SOX5: variants seen among roughly 807,000 people sequenced by gnomAD.
SOX5 encodes transcription factor SOX-5.
Under a neutral mutation model 92.0 loss-of-function variants are expected in SOX5, and 9 were observed. That is an observed-to-expected ratio of 0.10 (90% CI 0.06 to 0.17). SOX5 has a LOEUF of 0.17. Ranked by LOEUF, SOX5 falls within the 10% of genes least tolerant of loss-of-function variation. SOX5 has a pLI of 1.00. For missense variants in SOX5, 642 were observed against 944.5 expected, an observed-to-expected ratio of 0.68 and a Z score of 4.20; for synonymous variants, 344 against 336.3, an observed-to-expected ratio of 1.02 and a Z score of -0.25.
chr12:24,248,824 T>C (rs948397289), intron 3 of SOX5, among the ~76,000 whole-genome samples: 3 of 152,196 alleles, frequency 2.0e-5, no homozygotes, highest in African/African-American at 4.8e-5. Context: ...GTTACTTGTT[T>C]ATGTTTTTAA....
At chr12:24,432,056 C>A (rs963408239) in intron 1 of SOX5, among the ~76,000 whole-genome samples, 1 of 152,094 alleles carries the variant, frequency 6.6e-6, no homozygotes. Context: ...CAGTGTCACC[C>A]CACCTCAGGA....
At chr12:24,207,996 C>A (rs563619646) in intron 4 of SOX5, among the ~76,000 whole-genome samples, 3 of 152,142 alleles carry the variant, frequency 2.0e-5, no homozygotes, top group South Asian at 2.1e-4. Flanking sequence ...TAAAAACAAA[C>A]TGCTTTTTGT....
At chr12:24,229,670 T>G (rs2139917490) in intron 3 of SOX5, among the ~76,000 whole-genome samples, 1 of 152,270 alleles carries the variant, frequency 6.6e-6, no homozygotes, top group Admixed American at 6.5e-5. Context: ...AAGAACAAAG[T>G]ATATAATTCA....
In SOX5 at chr12:23,795,225, C is replaced by A. The variant is rs536832998; in HGVS notation, c.482-39501G>T. Among the ~76,000 whole-genome samples, 13 of 151,074 alleles carry A rather than the reference C, an allele frequency of 8.6e-5. No homozygotes were observed. In the South Asian group the frequency reaches 2.5e-3, roughly 29 times the overall value. On this transcript the variant is annotated intron_variant, in intron 3 of 14. Coordinates refer to ENST00000451604, the MANE Select transcript of SOX5 (RefSeq NM_006940.6). The stretch of plus-strand genomic sequence containing the variant: ...GGTGGCACTGAAAATAAGAGTAGTG[C>A]ATTTTTAAAAACGGTAGATTCAAAA...
At chr12:23,569,369 C>A (rs1182113812) in intron 10 of SOX5, among the ~76,000 whole-genome samples, 2 of 152,046 alleles carry the variant, frequency 1.3e-5, no homozygotes, top group Non-Finnish European at 2.9e-5. Flanking sequence ...GTAAGAAATA[C>A]AAAATTAAAG....
chr12:24,178,392 G>A (rs1955076908), intron 4 of SOX5, among the ~76,000 whole-genome samples: 1 of 152,090 alleles, frequency 6.6e-6, no homozygotes, highest in Non-Finnish European at 1.5e-5. Context: ...GAGGCCTAGA[G>A]AAGTCATTCA....
chr12:24,129,209 A>T (rs1470155850), intron 4 of SOX5, among the ~76,000 whole-genome samples: 1 of 152,186 alleles, frequency 6.6e-6, no homozygotes, highest in Non-Finnish European at 1.5e-5. Flanking sequence ...AATGTTAAAC[A>T]CCTTTTCATT....
intron 2 of SOX5, among the ~76,000 whole-genome samples, chr12:24,282,464 C>T (rs1360485329): frequency 6.7e-6 from 1 of 149,650 alleles, no homozygotes; most frequent in African/African-American, 2.4e-5. Flanking sequence ...AATAAAAACC[C>T]TAATCTCAAA....
chr12:24,286,421 C>T (rs1383634874), intron 2 of SOX5, among the ~76,000 whole-genome samples: 1 of 152,164 alleles, frequency 6.6e-6, no homozygotes, highest in East Asian at 1.9e-4. Flanking sequence ...AGATCAAATT[C>T]AAGAGCTTGG....
At chr12:24,118,364 A>G (rs1593321884) in intron 4 of SOX5, among the ~76,000 whole-genome samples, 2 of 151,722 alleles carry the variant, frequency 1.3e-5, no homozygotes, top group South Asian at 2.1e-4. Flanking sequence ...ATTGTACCCC[A>G]TAAGTATACA....
rs532389081 is a variant in SOX5 at position 24,001,397 on chromosome 12, T to C, written c.-1-105373A>G. ...ATGAGCCACCAAAACCAGCCTAAAT[T>C]AGATTAAATCTAAATGGATTTAAAT... On this transcript the variant is annotated intron_variant, in intron 4 of 4. Coordinates refer to the SOX5 transcript ENST00000446891. 1.6e-4 allele frequency among the ~76,000 whole-genome samples: 25 copies of C among 152,178 alleles called. 1 individual carries two copies. The highest frequency in any genetic ancestry group is 7.2e-4 in the Admixed American group (11 of 15,288).
intron 2 of SOX5, among the ~76,000 whole-genome samples, chr12:24,280,126 G>A (rs1478767329): frequency 2.0e-5 from 3 of 152,044 alleles, no homozygotes; most frequent in South Asian, 2.1e-4. Context: ...ATGTACCCTA[G>A]TGTCTGAATC....
intron 1 of SOX5, among the ~76,000 whole-genome samples, chr12:24,503,492 T>A (rs1363376565): frequency 1.3e-5 from 2 of 152,208 alleles, no homozygotes; most frequent in East Asian, 3.8e-4. Context: ...TGAACAATTA[T>A]CAAGACTGAG....
At position 24,195,421 on chromosome 12, in the gene SOX5, A is replaced by ATT. The variant is rs1306130741; in HGVS notation, c.-2+17920_-2+17921dup. 2.6e-5 allele frequency among the ~76,000 whole-genome samples: 4 copies of ATT among 152,348 alleles called. No individual in the cohort carries two copies. In the East Asian group the frequency reaches 7.7e-4, roughly 29 times the overall value. On this transcript the variant is annotated intron_variant, in intron 4 of 4. Coordinates refer to the SOX5 transcript ENST00000446891. ...GAGAACCGAGGCAATTATTAAGCTA[A>ATT]TTTAGGCCCAAAGAATACTTTCACA...
intron 4 of SOX5, among the ~76,000 whole-genome samples, chr12:24,151,396 C>A (rs770679460): frequency 1.3e-5 from 2 of 152,012 alleles, no homozygotes; most frequent in South Asian, 2.1e-4. Flanking sequence ...TATTGATATG[C>A]CAACCTAATG....
intron 8 of SOX5, among the ~76,000 whole-genome samples, chr12:23,627,486 G>A (rs1414367611): frequency 1.3e-5 from 2 of 152,042 alleles, no homozygotes; most frequent in Non-Finnish European, 2.9e-5. Context: ...CTTGAAATAT[G>A]GATAGGCTCT....
chr12:24,538,580 G>A (rs1288756558), intron 1 of SOX5, among the ~76,000 whole-genome samples: 6 of 140,398 alleles, frequency 4.3e-5, no homozygotes, highest in African/African-American at 1.6e-4. Flanking sequence ...GGCATTACTT[G>A]GTATTAAGCT....
intron 4 of SOX5, among the ~76,000 whole-genome samples, chr12:23,999,708 T>C (rs1233841024): frequency 2.0e-5 from 3 of 152,012 alleles, no homozygotes; most frequent in Non-Finnish European, 4.4e-5. Flanking sequence ...ATAATTATAA[T>C]ACTATACAAT....
At chr12:24,047,848 T>G (rs1957203085) in intron 4 of SOX5, among the ~76,000 whole-genome samples, 1 of 152,210 alleles carries the variant, frequency 6.6e-6, no homozygotes, top group Non-Finnish European at 1.5e-5. Flanking sequence ...AACATTAATT[T>G]ACTAAAAGTC....
Sources: gnomAD v4.1 joint callset for allele counts (sites outside exome capture counted in the v4.1 genomes callset) on GRCh38, gnomAD v4.1.1 for gene constraint, MANE v1.5 for transcripts, NCBI Gene and HGNC (gene_info 2026-07-23, HGNC 2026-07-21) for gene names.